The following MPP7 variants were observed in gnomAD, a reference collection of about 807,000 sequenced individuals.
MPP7 encodes MAGUK p55 scaffold protein 7, also known as MAGUK p55 subfamily member 7.
In MPP7, 60 loss-of-function variants were observed where a neutral mutation model predicts 76.5. That is an observed-to-expected ratio of 0.78 (90% CI 0.64 to 0.97). MPP7 has a LOEUF of 0.97. MPP7 is among the 50% of genes least tolerant of loss of function. The pLI, the probability that MPP7 is intolerant of heterozygous loss-of-function variation, is 0.00. For missense variants in MPP7, 641 were observed against 694.0 expected (o/e 0.92, Z 0.86); for synonymous variants, 237 against 244.5 (o/e 0.97, Z 0.29).
intron 2 of MPP7, among the ~76,000 whole-genome samples, chr10:28,218,257 G>A (rs1040594196): frequency 1.3e-5 from 2 of 152,276 alleles, no homozygotes; most frequent in Admixed American, 1.3e-4. Context: ...AGCGGTGGTA[G>A]AGAGGTGGTT....
chr10:28,165,360 A>G (rs1441168519), intron 3 of MPP7, among the ~76,000 whole-genome samples: 1 of 152,158 alleles, frequency 6.6e-6, no homozygotes, highest in East Asian at 1.9e-4. Context: ...CTATCCCTAT[A>G]AAGAAATTTT....
At chr10:28,168,402 G>A (rs545089392) in intron 3 of MPP7, among the ~76,000 whole-genome samples, 60 of 151,848 alleles carry the variant, frequency 4.0e-4, no homozygotes, top group Non-Finnish European at 4.9e-4. Context: ...CTCAAATTAC[G>A]GCTAGTTTTT....
At chr10:28,225,540 G>C (rs1564715262) in intron 2 of MPP7, among the ~76,000 whole-genome samples, 1 of 152,110 alleles carries the variant, frequency 6.6e-6, no homozygotes, top group Non-Finnish European at 1.5e-5. Flanking sequence ...GAAGACAAAT[G>C]GCTAAAAAGT....
At chr10:28,210,446 CA>C (rs1183883787) in intron 2 of MPP7, among the ~76,000 whole-genome samples, 2 of 152,080 alleles carry the variant, frequency 1.3e-5, no homozygotes, top group Non-Finnish European at 2.9e-5. Context: ...TCTTTTCTAT[CA>C]AAAGAGCACT....
intron 3 of MPP7, among the ~76,000 whole-genome samples, chr10:28,150,526 G>C (rs1835849803): frequency 6.6e-6 from 1 of 152,136 alleles, no homozygotes; most frequent in Non-Finnish European, 1.5e-5. Context: ...CTGTCAAGAG[G>C]GAAGGAGCTG....
chr10:28,170,625 G>GTAT (rs762965202), intron 3 of MPP7, among the ~76,000 whole-genome samples: 50 of 150,302 alleles, frequency 3.3e-4, no homozygotes, highest in Non-Finnish European at 6.2e-4. Context: ...AATTATACAT[G>GTAT]TATTATTATT....
intron 13 of MPP7, among the ~76,000 whole-genome samples, chr10:28,064,202 G>GTGCA (rs2133344322): frequency 6.6e-6 from 1 of 152,222 alleles, no homozygotes; most frequent in South Asian, 2.1e-4. Flanking sequence ...TCATCAACAG[G>GTGCA]TGCATGGATA....
At chr10:28,082,413 CCTCCTCCTTCTCTCCTT>C (rs1852806340) in intron 12 of MPP7, among the ~76,000 whole-genome samples, 1 of 151,578 alleles carries the variant, frequency 6.6e-6, no homozygotes, top group Non-Finnish European at 1.5e-5. Flanking sequence ...TCCTTCTCCT[CCTCCTCCTTCTCTCCTT>C]CTCCTCCTTC....
chr10:28,118,691 C>T lies in MPP7; in HGVS notation c.952+960G>A, dbSNP rs554446434. On this transcript the variant is annotated intron_variant, in intron 11 of 16. Transcript: ENST00000683449. ...GTGCCTAGACTTAATGTAGCAAGGA[C>T]AAGCAGGCTTTTGAATGAGTGCTCC... 25 of 985,366 alleles carry T rather than the reference C, an allele frequency of 2.5e-5. No homozygotes were observed. In the South Asian group the frequency reaches 9.9e-4, roughly 39 times the overall value. The allele number at this position is 985,366 out of a possible 1,614,324, so 61.0% of individuals were successfully genotyped here.
intron 3 of MPP7, among the ~76,000 whole-genome samples, chr10:28,195,925 T>C (rs910077587): frequency 3.3e-5 from 5 of 152,320 alleles, no homozygotes; most frequent in African/African-American, 1.2e-4. Flanking sequence ...TTTAAGTGGG[T>C]GATTTGACAG....
chr10:28,307,712 G>A (rs1841266903), upstream of MPP7: 1 of 152,154 alleles, frequency 6.6e-6, no homozygotes, highest in African/African-American at 2.4e-5. Flanking sequence ...ACACTTTCAA[G>A]CTTCATTCAC....
rs1318974678 is a variant in MPP7, at chr10:28,147,467, C to T, written c.315+16G>A. The T allele has an allele frequency of 6.8e-6, 11 of 1,605,970 alleles. No individual in the cohort carries two copies. The highest frequency in any genetic ancestry group is 2.2e-5 in the East Asian group (1 of 44,828). ...CCTGTTTGAAGGTATTTATTACCGGCGTAACATGTCCTCACCTTCACATTG... is the reference window on the plus strand; with the variant it reads ...CCTGTTTGAAGGTATTTATTACCGGTGTAACATGTCCTCACCTTCACATTG... On this transcript the variant is annotated intron_variant, in intron 5 of 16. Transcript: ENST00000683449.
At chr10:28,187,162 T>C (rs1282004682) in intron 3 of MPP7, among the ~76,000 whole-genome samples, 1 of 152,204 alleles carries the variant, frequency 6.6e-6, no homozygotes, top group Non-Finnish European at 1.5e-5. Flanking sequence ...TTACATTACA[T>C]AAATGTAGAC....
intron 2 of MPP7, among the ~76,000 whole-genome samples, chr10:28,234,502 G>GA (rs777506672): frequency 7.2e-5 from 11 of 152,006 alleles, no homozygotes; most frequent in Non-Finnish European, 1.6e-4. Context: ...TGGAAAGGAT[G>GA]AAAAAAAGAG....
chr10:28,264,081 G>A (rs1404657762), intron 1 of MPP7, among the ~76,000 whole-genome samples: 1 of 152,146 alleles, frequency 6.6e-6, no homozygotes, highest in African/African-American at 2.4e-5. Context: ...ATGAACGCTT[G>A]AGGCCAAGAG....
At chr10:28,296,468 A>T (rs1841037572) in intron 1 of MPP7, among the ~76,000 whole-genome samples, 1 of 152,192 alleles carries the variant, frequency 6.6e-6, no homozygotes, top group African/African-American at 2.4e-5. Flanking sequence ...TGCATTTTCA[A>T]AGTCCAAAGT....
At chr10:28,327,490 G>A (rs1148182) in intron 2 of MPP7, among the ~76,000 whole-genome samples, 37,393 of 152,034 alleles carry the variant, frequency 0.25, 6,062 homozygotes, top group African/African-American at 0.46. Flanking sequence ...AATAGGAAGA[G>A]CTGGATAAAG....
At chr10:28,253,022 C>T (rs1839665707) in intron 1 of MPP7, among the ~76,000 whole-genome samples, 1 of 152,114 alleles carries the variant, frequency 6.6e-6, no homozygotes, top group African/African-American at 2.4e-5. Flanking sequence ...ATTCTCCTTC[C>T]TCAGCCTCCC....
chr10:28,068,954 T>C (rs1564614787), intron 13 of MPP7, among the ~76,000 whole-genome samples: 1 of 152,134 alleles, frequency 6.6e-6, no homozygotes, highest in Non-Finnish European at 1.5e-5. Flanking sequence ...TTAGCGCAAA[T>C]CCTTTAACCA....
Sources: allele counts gnomAD v4.1 joint callset (sites outside exome capture counted in the v4.1 genomes callset), GRCh38; gene constraint gnomAD v4.1.1; transcripts MANE v1.5; gene names NCBI Gene and HGNC (gene_info 2026-07-23, HGNC 2026-07-21).